Variants in ACTL6A observed in about 807,000 individuals in gnomAD.
The protein encoded by ACTL6A is actin-like protein 6A.
Under a neutral mutation model 59.2 loss-of-function variants are expected in ACTL6A, and 5 were observed. That is an observed-to-expected ratio of 0.08 (90% CI 0.04 to 0.18). ACTL6A has a LOEUF of 0.18. Among genes scored for constraint, ACTL6A ranks in the 10% least tolerant of loss-of-function variants. The pLI is 1.00. For synonymous variants in ACTL6A, 154 were observed against 171.8 expected, an observed-to-expected ratio of 0.90 and a Z score of 0.81; for missense variants, 285 against 526.9, an observed-to-expected ratio of 0.54 and a Z score of 4.49.
intron 4 of ACTL6A, 72 bp downstream of exon 4, chr3:179,573,541 T>A (rs1560011358): frequency 4.7e-6 from 5 of 1,057,538 alleles, no homozygotes; most frequent in Non-Finnish European, 6.8e-6. Flanking sequence ...CCTTTAGTTT[T>A]CTACTCATTT....
chr3:179,580,760 T>C, intron 9 of ACTL6A, 59 bp downstream of exon 9: 3 of 1,420,816 alleles, frequency 2.1e-6, no homozygotes, highest in South Asian at 1.3e-5. Flanking sequence ...GTTTAAAAAA[T>C]ACTTAATTGA....
At chr3:179,578,168 A>T (rs1718226336) in intron 8 of ACTL6A, among the ~76,000 whole-genome samples, 1 of 152,046 alleles carries the variant, frequency 6.6e-6, no homozygotes, top group Non-Finnish European at 1.5e-5. Flanking sequence ...AAATTAGCTA[A>T]GTGGGGCCGG....
rs1053879253 is a variant in ACTL6A at position 179,588,170 on chromosome 3, TAA to T, written c.*161_*162del. On this transcript the variant is annotated 3_prime_UTR_variant, in exon 14 of 14. Coordinates refer to ENST00000429709, the MANE Select transcript of ACTL6A (RefSeq NM_004301.5). ...TAAAGCTTTAACTGGCTCTATAAAT[TAA>T]GTTTGTGCTTTCCTTGAAATGCACT... 9.8e-6 allele frequency: 5 copies of T among 507,878 alleles called. No individual in the cohort carries two copies. In the African/African-American group the frequency reaches 1.0e-4, roughly 10 times the overall value. 31.5% of individuals were successfully genotyped at this position (507,878 alleles called of 1,614,324 possible).
chr3:179,569,731 G>T, intron 1 of ACTL6A, 93 bp from the exon 2 acceptor site: 1 of 1,064,824 alleles, frequency 9.4e-7, no homozygotes, highest in Non-Finnish European at 1.4e-6. Context: ...CGGGAGGATT[G>T]CTTGAGCCTA....
At chr3:179,583,280 T>G (rs1718388038) in intron 11 of ACTL6A, 73 bp from the exon 12 acceptor site, 7 of 1,172,134 alleles carry the variant, frequency 6.0e-6, no homozygotes, top group Non-Finnish European at 8.8e-6. Flanking sequence ...AGCACATGGT[T>G]ATATTTGTAG....
chr3:179,573,897 T>C (rs1284507308), intron 4 of ACTL6A, among the ~76,000 whole-genome samples: 1 of 152,178 alleles, frequency 6.6e-6, no homozygotes, highest in South Asian at 2.1e-4. Context: ...GTGAAATACA[T>C]TTGGTACATA....
At chr3:179,564,183 A>G (rs886979397) in intron 1 of ACTL6A, among the ~76,000 whole-genome samples, 1 of 152,186 alleles carries the variant, frequency 6.6e-6, no homozygotes, top group Non-Finnish European at 1.5e-5. Flanking sequence ...ACTGATACAT[A>G]TAATTCATGT....
At position 179,576,205 on chromosome 3, in the gene ACTL6A, G is replaced by A. The variant is rs779678440; in HGVS notation, c.477-12G>A. 2 of 1,606,874 alleles carry A rather than the reference G, an allele frequency of 1.2e-6. No individual in the cohort carries two copies. Among genetic ancestry groups the A allele is most frequent in the East Asian group, 2.2e-5 (1 of 44,784 alleles). On this transcript the variant is annotated splice_polypyrimidine_tract_variant and intron_variant, in intron 5 of 13. Transcript: ENST00000429709. ...GCCTTGATACTTTCTTTTCCTTAAT[G>A]TTTTAAACTAGATTTGCTAATGGTC...
chr3:179,587,388 TC>T (rs1718534330), intron 13 of ACTL6A, among the ~76,000 whole-genome samples: 1 of 152,142 alleles, frequency 6.6e-6, no homozygotes, highest in South Asian at 2.1e-4. Flanking sequence ...CCCTCAGTCT[TC>T]CTTGCCAGAT....
intron 1 of ACTL6A, among the ~76,000 whole-genome samples, chr3:179,566,184 T>C (rs960020543): frequency 2.6e-5 from 4 of 152,176 alleles, no homozygotes; most frequent in Non-Finnish European, 5.9e-5. Context: ...GATGCAATTA[T>C]GTTGATGTAC....
At chr3:179,577,335 G>A (rs1718197670) in intron 8 of ACTL6A, among the ~76,000 whole-genome samples, 1 of 152,118 alleles carries the variant, frequency 6.6e-6, no homozygotes, top group African/African-American at 2.4e-5. Context: ...GCATCAGTCA[G>A]CAATATCAAA....
rs1718309880 is a variant in ACTL6A, at chr3:179,580,678, G to A, written c.807G>A (p.Val269=). 4 of 1,608,106 alleles carry A rather than the reference G, an allele frequency of 2.5e-6. No homozygotes were observed. The East Asian group carries it at 9.0e-5, about 36-fold the overall frequency. ...ATTTTCAAGCTTCGGTACTTCAAGT[G>A]TCAGATTCAACTTATGATGAACAGT... is the stretch of plus-strand genomic sequence containing the variant. ...IQDFQASVLQ[V]SDSTYDEQVA... Residue 269 remains valine, a synonymous_variant, in exon 9 of 14, where the codon GTG becomes GTA. Coordinates refer to ENST00000429709, the MANE Select transcript of ACTL6A (RefSeq NM_004301.5).
chr3:179,575,926 C>G (rs191916570), intron 5 of ACTL6A, among the ~76,000 whole-genome samples: 164 of 152,278 alleles, frequency 1.1e-3, no homozygotes, highest in African/African-American at 3.9e-3. Flanking sequence ...TCTCCAGAGA[C>G]TTTTAGTGAT....
At chr3:179,577,478 TAAA>T (rs149468376) in intron 8 of ACTL6A, among the ~76,000 whole-genome samples, 1 of 145,972 alleles carries the variant, frequency 6.9e-6, no homozygotes, top group African/African-American at 2.5e-5. Context: ...CTTAATTTCT[TAAA>T]AAAAAAACAA....
intron 1 of ACTL6A, among the ~76,000 whole-genome samples, chr3:179,565,493 A>G (rs1717808228): frequency 6.7e-6 from 1 of 149,622 alleles, no homozygotes; most frequent in African/African-American, 2.4e-5. Context: ...ATTATATGTT[A>G]TATATGTCCT....
At chr3:179,568,645 A>T (rs1188183104) in intron 1 of ACTL6A, among the ~76,000 whole-genome samples, 1 of 152,030 alleles carries the variant, frequency 6.6e-6, no homozygotes, top group African/African-American at 2.4e-5. Context: ...ATTGATGCTG[A>T]CATATGTAGA....
At chr3:179,569,033 A>C (rs1008428896) in intron 1 of ACTL6A, among the ~76,000 whole-genome samples, 9 of 152,202 alleles carry the variant, frequency 5.9e-5, no homozygotes, top group African/African-American at 2.2e-4. Flanking sequence ...CTATGTATGC[A>C]CAATTTCAAC....
intron 3 of ACTL6A, among the ~76,000 whole-genome samples, chr3:179,572,955 T>C (rs1718054737): frequency 6.6e-6 from 1 of 151,668 alleles, no homozygotes; most frequent in South Asian, 2.1e-4. Context: ...TTTTTTTGAG[T>C]GTCGGGTCTA....
chr3:179,572,543 C>T (rs1021795474), intron 3 of ACTL6A, among the ~76,000 whole-genome samples: 1 of 152,114 alleles, frequency 6.6e-6, no homozygotes, highest in Non-Finnish European at 1.5e-5. Flanking sequence ...CGGTGGCTCA[C>T]GCCTGTAATC....
Sources: allele counts gnomAD v4.1 joint callset (sites outside exome capture counted in the v4.1 genomes callset), GRCh38; gene constraint gnomAD v4.1.1; transcripts MANE v1.5; gene names NCBI Gene and HGNC (gene_info 2026-07-23, HGNC 2026-07-21).